The following RNGTT variants were observed in gnomAD, a reference collection of about 807,000 sequenced individuals.
RNGTT encodes the protein RNA guanylyltransferase and 5'-phosphatase, also known as mRNA-capping enzyme.
RNGTT carries 33 observed loss-of-function variants against 79.3 expected under a neutral mutation model. That is an observed-to-expected ratio of 0.42 (90% CI 0.32 to 0.56). RNGTT has a LOEUF of 0.56. RNGTT is among the 20% of genes least tolerant of loss of function. The pLI is 0.17. For missense variants in RNGTT, 497 were observed against 739.1 expected, an observed-to-expected ratio of 0.67 and a Z score of 3.80; for synonymous variants, 222 against 235.9, an observed-to-expected ratio of 0.94 and a Z score of 0.54.
intron 13 of RNGTT, among the ~76,000 whole-genome samples, chr6:88,749,916 G>A (rs1051030360): frequency 1.8e-4 from 27 of 152,088 alleles, no homozygotes; most frequent in East Asian, 7.7e-4. Context: ...AATTACTGGT[G>A]GTTCACTGGC....
At chr6:88,807,673 T>A (rs1198230496) in intron 11 of RNGTT, among the ~76,000 whole-genome samples, 3 of 151,494 alleles carry the variant, frequency 2.0e-5, no homozygotes, top group African/African-American at 7.3e-5. Flanking sequence ...AAATAATGCC[T>A]CCAATTGCTA....
intron 13 of RNGTT, among the ~76,000 whole-genome samples, chr6:88,760,682 C>T (rs1778186701): frequency 6.6e-6 from 1 of 151,954 alleles, no homozygotes; most frequent in African/African-American, 2.4e-5. Flanking sequence ...AAGAATTAAA[C>T]ATTTCATTTT....
chr6:88,654,155 T>C (rs1773894481), intron 14 of RNGTT, among the ~76,000 whole-genome samples: 1 of 152,216 alleles, frequency 6.6e-6, no homozygotes, highest in South Asian at 2.1e-4. Flanking sequence ...TTAATAGCTA[T>C]TGCATGGAAG....
intron 13 of RNGTT, among the ~76,000 whole-genome samples, chr6:88,714,859 A>C (rs1486926692): frequency 1.3e-5 from 2 of 152,206 alleles, no homozygotes; most frequent in Non-Finnish European, 2.9e-5. Context: ...AGCCAATATC[A>C]TACTGAATGG....
intron 11 of RNGTT, among the ~76,000 whole-genome samples, chr6:88,834,787 G>A (rs1363922089): frequency 6.6e-6 from 1 of 151,956 alleles, no homozygotes; most frequent in Non-Finnish European, 1.5e-5. Context: ...TTTATATTTA[G>A]TGATAAACAA....
At chr6:88,832,047 T>A (rs1411086693) in intron 11 of RNGTT, among the ~76,000 whole-genome samples, 1 of 152,156 alleles carries the variant, frequency 6.6e-6, no homozygotes, top group East Asian at 1.9e-4. Context: ...GCTATCCCCA[T>A]CAAACTACCA....
chr6:88,809,678 CAG>C (rs1352278755), intron 11 of RNGTT, among the ~76,000 whole-genome samples: 5 of 151,960 alleles, frequency 3.3e-5, no homozygotes, highest in Non-Finnish European at 7.4e-5. Context: ...AAAACAAAAA[CAG>C]AGTAGATTAA....
At chr6:88,762,985 CCCA>C (rs1372153564) in intron 13 of RNGTT, among the ~76,000 whole-genome samples, 1 of 151,858 alleles carries the variant, frequency 6.6e-6, no homozygotes, top group African/African-American at 2.4e-5. Context: ...GTGCAGTGGC[CCCA>C]CCACAGCTCA....
intron 5 of RNGTT, among the ~76,000 whole-genome samples, chr6:88,905,688 C>CA (rs1783630247): frequency 1.3e-4 from 20 of 152,182 alleles, no homozygotes; most frequent in Admixed American, 8.5e-4. Flanking sequence ...TCAATAAAGA[C>CA]ATGTTGATTG....
chr6:88,946,633 TC>T (rs1785018647), intron 1 of RNGTT, among the ~76,000 whole-genome samples: 1 of 147,378 alleles, frequency 6.8e-6, no homozygotes, highest in African/African-American at 2.5e-5. Flanking sequence ...CAGCTCTCCC[TC>T]TCCCTCTCCC....
intron 1 of RNGTT, among the ~76,000 whole-genome samples, chr6:88,960,193 A>G (rs1785570925): frequency 6.6e-6 from 1 of 152,218 alleles, no homozygotes; most frequent in Non-Finnish European, 1.5e-5. Context: ...TCTGCTTTTT[A>G]AGGGTAATAT....
In RNGTT at chr6:88,890,483, A is replaced by G. The variant is rs371951320; in HGVS notation, c.896+12T>C. 3.9e-5 allele frequency: 60 copies of G among 1,534,736 alleles called. No individual in the cohort carries two copies. In the African/African-American group the frequency reaches 8.1e-4, roughly 21 times the overall value. On this transcript the variant is annotated intron_variant, in intron 8 of 15. Transcript: ENST00000369485. ...GGGTTATTTGTGTAATTTTTTTAGA[A>G]GTCTAACTTACCGAGTACCATCTGC...
intron 1 of RNGTT, among the ~76,000 whole-genome samples, chr6:88,959,235 T>C (rs1785534746): frequency 6.6e-6 from 1 of 151,922 alleles, no homozygotes; most frequent in Non-Finnish European, 1.5e-5. Flanking sequence ...GGATGAGGGA[T>C]AAAAGACTAC....
At chr6:88,837,940 TC>T (rs1781137061) in intron 11 of RNGTT, among the ~76,000 whole-genome samples, 1 of 152,050 alleles carries the variant, frequency 6.6e-6, no homozygotes, top group African/African-American at 2.4e-5. Flanking sequence ...TTATGTATAA[TC>T]AAACTAGACA....
In RNGTT at chr6:88,904,812, T is replaced by C; in HGVS notation, c.587A>G (p.Asp196Gly). Residue 196 changes from aspartate to glycine, a missense_variant, in exon 6 of 16, where the codon GAT (aspartate) becomes GGT (glycine). Around this residue, in one of 3 missense-constraint regions of RNGTT, gnomAD observed 440 missense variants for 671.5 expected, o/e 0.66. Coordinates refer to ENST00000369485, the MANE Select transcript of RNGTT (RefSeq NM_003800.5). The stretch of plus-strand genomic sequence containing the variant: ...CTCATCCTCATCTTCGTCTTCATCA[T>C]CCTCAAAACACCAATCTGGCAATAG... ...PPLLPDWCFE[D>G]DEDEDEDEDG... is the part of the protein sequence containing the mutation. 2 of 1,614,172 alleles carry C rather than the reference T, an allele frequency of 1.2e-6. No individual in the cohort carries two copies. Among genetic ancestry groups the C allele is most frequent in the Non-Finnish European group, 1.7e-6 (2 of 1,180,042 alleles).
chr6:88,649,697 A>G (rs77787159), intron 14 of RNGTT, among the ~76,000 whole-genome samples: 1 of 144,204 alleles, frequency 6.9e-6, no homozygotes, highest in Non-Finnish European at 1.5e-5. Context: ...ACTAAGTCTC[A>G]AAAAAAAAAA....
intron 12 of RNGTT, among the ~76,000 whole-genome samples, chr6:88,771,346 TATATACACACAC>T (rs1347223535): frequency 1.9e-3 from 252 of 131,464 alleles, no homozygotes; most frequent in African/African-American, 7.0e-3. Flanking sequence ...TATATATATA[TATATACACACAC>T]ACACACACAC....
chr6:88,883,850 C>G (rs1395108766), intron 8 of RNGTT, among the ~76,000 whole-genome samples: 1 of 151,838 alleles, frequency 6.6e-6, no homozygotes, highest in African/African-American at 2.4e-5. Context: ...CAAAAGACAA[C>G]AGAAAAGAAA....
intron 14 of RNGTT, among the ~76,000 whole-genome samples, chr6:88,677,799 A>G (rs1275900823): frequency 6.6e-6 from 1 of 151,954 alleles, no homozygotes; most frequent in African/African-American, 2.4e-5. Flanking sequence ...TTTAATGGCA[A>G]AAGGGATGAT....
Sources: gnomAD v4.1 joint callset for allele counts (sites outside exome capture counted in the v4.1 genomes callset) on GRCh38, gnomAD v4.1.1 for gene constraint, gnomAD v4.1.1 regional missense constraint, MANE v1.5 for transcripts, NCBI Gene and HGNC (gene_info 2026-07-23, HGNC 2026-07-21) for gene names.